PTPN6: variants seen among roughly 807,000 people sequenced by gnomAD.
The protein encoded by PTPN6 is protein tyrosine phosphatase non-receptor type 6.
PTPN6 carries 18 observed loss-of-function variants against 81.5 expected under a neutral mutation model. The observed-to-expected ratio is 0.22, with a 90% CI of 0.15 to 0.33. The LOEUF (loss-of-function observed/expected upper bound fraction) is 0.33. Ranked by LOEUF, PTPN6 falls within the 10% of genes least tolerant of loss-of-function variation. The pLI is 1.00. For synonymous variants in PTPN6, 301 were observed against 310.9 expected (o/e 0.97, Z 0.33); for missense variants, 500 against 794.2 (o/e 0.63, Z 4.45).
chr12:6,954,726 G>GC lies in PTPN6; in HGVS notation c.327-75dup. 6.3e-6 allele frequency: 9 copies of GC among 1,434,788 alleles called. No homozygotes were observed. The East Asian group carries it at 9.6e-5, about 15-fold the overall frequency. 88.9% of individuals were successfully genotyped at this position (1,434,788 alleles called of 1,614,324 possible). ...GCACACAGTAGGTGCTTGATTTCCG[G>GC]CCCCTCTCTGTGAATGTCTCTGCTC... On this transcript the variant is annotated intron_variant, in intron 3 of 15. Coordinates refer to ENST00000318974, the MANE Select transcript of PTPN6 (RefSeq NM_002831.6). This position sits in a 1 kb window ranked among gnomAD's most constrained non-coding sequence, Gnocchi z 5.4.
upstream of PTPN6, chr12:6,946,753 A>G (rs1555146856): frequency 1.2e-6 from 2 of 1,609,954 alleles, no homozygotes; most frequent in South Asian, 2.2e-5. Context: ...AGTCCCGGGC[A>G]CCATCGGGGT....
rs1946030155 is a variant in PTPN6 at position 6,956,328 on chromosome 12, C to G, written c.925-91C>G. ...AGCTGGGCAAAGCCGAAGCTGGCTT[C>G]TTGCATGGGTGAGGGTGGCAGTGGT... is the stretch of plus-strand genomic sequence containing the variant. On this transcript the variant is annotated intron_variant, in intron 8 of 15. Transcript: ENST00000318974. This position sits in a 1 kb window ranked among gnomAD's most constrained non-coding sequence, Gnocchi z 4.1. 1.2e-6 allele frequency: 2 copies of G among 1,611,378 alleles called. No homozygotes were observed. Among genetic ancestry groups the G allele is most frequent in the Non-Finnish European group, 1.7e-6 (2 of 1,177,636 alleles).
chr12:6,946,855 C>T (rs781980111), upstream of PTPN6: 2 of 1,184,126 alleles, frequency 1.7e-6, no homozygotes, highest in Non-Finnish European at 1.2e-6. Flanking sequence ...CGCTGCCCTG[C>T]GCCTGTTTCC....
rs782130684 is a variant in PTPN6 at position 6,955,447 on chromosome 12, G to A, written c.709G>A (p.Glu237Lys). The change falls in exon 6 of 16, where the codon GAG becomes AAG. Residue 237 changes from glutamate to lysine, a missense_variant. Around this residue, in one of 6 missense-constraint regions of PTPN6, gnomAD observed 96 missense variants for 137.3 expected, o/e 0.70. Coordinates refer to ENST00000318974, the MANE Select transcript of PTPN6 (RefSeq NM_002831.6). The surrounding 1 kb of genome is among the most constrained non-coding windows in gnomAD (Gnocchi z 7.2). Reference protein sequence around the residue: ...VLELNKKQESEDTAKAGFWEE... With the variant: ...VLELNKKQESKDTAKAGFWEE... ...GGAACTGAACAAGAAGCAGGAGTCCGAGGATACAGCCAAGGCTGGCTTCTG... is the reference window on the plus strand; with the variant it reads ...GGAACTGAACAAGAAGCAGGAGTCCAAGGATACAGCCAAGGCTGGCTTCTG... 6.2e-6 allele frequency: 10 copies of A among 1,614,104 alleles called. No homozygotes were observed. The Middle Eastern group carries it at 4.9e-4, about 80-fold the overall frequency.
chr12:6,954,018 G>A lies in PTPN6; in HGVS notation c.327-787G>A, dbSNP rs1945976451. On this transcript the variant is annotated intron_variant, in intron 3 of 15. Coordinates refer to ENST00000318974, the MANE Select transcript of PTPN6 (RefSeq NM_002831.6). This position sits in a 1 kb window ranked among gnomAD's most constrained non-coding sequence, Gnocchi z 5.4. ...TTTCCATCACGTGGTTTCCTGTGGG[G>A]CTGGGCTTTGTGGGGCTACAGTTTC... is the stretch of plus-strand genomic sequence containing the variant. 6.6e-6 allele frequency among the ~76,000 whole-genome samples: 1 copy of A among 152,198 alleles called. No homozygotes were observed. The highest frequency in any genetic ancestry group is 1.5e-5 in the Non-Finnish European group (1 of 68,028).
chr12:6,955,836 C>T lies in PTPN6; in HGVS notation c.844+80C>T. ...TCCCCTCATCTCACAGGTCTCCACC[C>T]TCCACGCCAGGAGGGGCCATCTCCC... On this transcript the variant is annotated intron_variant, in intron 7 of 15. Coordinates refer to ENST00000318974, the MANE Select transcript of PTPN6 (RefSeq NM_002831.6). The surrounding 1 kb of genome is among the most constrained non-coding windows in gnomAD (Gnocchi z 7.2). 1.5e-6 allele frequency: 2 copies of T among 1,352,270 alleles called. No individual in the cohort carries two copies. Among genetic ancestry groups the T allele is most frequent in the Non-Finnish European group, 2.1e-6 (2 of 947,560 alleles). 83.8% of individuals were successfully genotyped at this position (1,352,270 alleles called of 1,614,324 possible).
chr12:6,958,027 C>A lies in PTPN6; in HGVS notation c.1315C>A (p.Arg439=), dbSNP rs782065208. ...VLSFLDQINQ[R]QESLPHAGPI... ...CAGCTTCCTGGACCAGATCAACCAGCGGCAGGAAAGTCTGCCTCACGCAGG... is the reference window on the plus strand; with the variant it reads ...CAGCTTCCTGGACCAGATCAACCAGAGGCAGGAAAGTCTGCCTCACGCAGG... The change falls in exon 11 of 16, where the codon CGG becomes AGG. Residue 439 remains arginine (R), a synonymous_variant. Transcript: ENST00000318974. 4 of 1,613,366 alleles carry A rather than the reference C, an allele frequency of 2.5e-6. No individual in the cohort carries two copies. Among genetic ancestry groups the A allele is most frequent in the Middle Eastern group, 1.6e-4 (1 of 6,062 alleles).
chr12:6,956,224 C>T lies in PTPN6; in HGVS notation c.924+3C>T, dbSNP rs1591688672. ...ACATCAATGCCAACTACATCAAGGT[C>T]AGCAGTGTGGGCCACGTGGGAGGAG... On this transcript the variant is annotated splice_donor_region_variant and intron_variant, in intron 8 of 15. Transcript: ENST00000318974. The surrounding 1 kb of genome is among the most constrained non-coding windows in gnomAD (Gnocchi z 4.1). The T allele has an allele frequency of 5.0e-6, 8 of 1,614,072 alleles. No individual in the cohort carries two copies. The highest frequency in any genetic ancestry group is 6.8e-6 in the Non-Finnish European group (8 of 1,179,928).
At chr12:6,947,775 A>G (rs375613184), upstream of PTPN6, among the ~76,000 whole-genome samples, 5 of 151,420 alleles carry the variant, frequency 3.3e-5, no homozygotes, top group African/African-American at 1.2e-4. Flanking sequence ...CTTCCCGAGG[A>G]GGTGACATTT....
chr12:6,954,856 C>T lies in PTPN6; in HGVS notation c.378C>T (p.Ala126=). 6.2e-7 allele frequency: 1 copy of T among 1,614,200 alleles called. No individual in the cohort carries two copies. The highest frequency in any genetic ancestry group is 8.5e-7 in the Non-Finnish European group (1 of 1,180,038). The change falls in exon 4 of 16, where the codon GCC becomes GCT. Residue 126 remains alanine (A), a synonymous_variant. Coordinates refer to ENST00000318974, the MANE Select transcript of PTPN6 (RefSeq NM_002831.6). This position sits in a 1 kb window ranked among gnomAD's most constrained non-coding sequence, Gnocchi z 5.4. ...SGGQAETLLQ[A]KGEPWTFLVR... is the part of the protein sequence containing the mutation. ...GGCAGGCAGAGACGCTGCTGCAGGCCAAGGGCGAGCCCTGGACGTTTCTTG... is the reference window on the plus strand; with the variant it reads ...GGCAGGCAGAGACGCTGCTGCAGGCTAAGGGCGAGCCCTGGACGTTTCTTG...
rs1453345947 is a variant in PTPN6, at chr12:6,954,725, G to A, written c.327-80G>A. The stretch of plus-strand genomic sequence containing the variant: ...GGCACACAGTAGGTGCTTGATTTCC[G>A]GCCCCTCTCTGTGAATGTCTCTGCT... On this transcript the variant is annotated intron_variant, in intron 3 of 15. Transcript: ENST00000318974. The surrounding 1 kb of genome is among the most constrained non-coding windows in gnomAD (Gnocchi z 5.4). The A allele has an allele frequency of 7.7e-6, 11 of 1,428,984 alleles. No individual in the cohort carries two copies. The highest frequency in any genetic ancestry group is 5.6e-5 in the African/African-American group (4 of 70,808). 88.5% of individuals were successfully genotyped at this position (1,428,984 alleles called of 1,614,324 possible).
In PTPN6 at chr12:6,956,422, C is replaced by A. The variant is rs1555148694; in HGVS notation, c.928C>A (p.Gln310Lys). 1.2e-6 allele frequency: 2 copies of A among 1,614,150 alleles called. No individual in the cohort carries two copies. Among genetic ancestry groups the A allele is most frequent in the South Asian group, 2.2e-5 (2 of 91,082 alleles). The change falls in exon 9 of 16, where the codon CAG (glutamine) becomes AAG (lysine). Residue 310 changes from glutamine (Q) to lysine (K), a missense_variant. Gln to Lys is a moderately conservative substitution (Grantham distance 53). Transcript: ENST00000318974. This position sits in a 1 kb window ranked among gnomAD's most constrained non-coding sequence, Gnocchi z 4.1. Reference sequence around the variant, plus strand: ...GTCTCTCCACGCTTGCGTCCAGAACCAGCTGCTAGGCCCTGATGAGAACGC... The same window carrying A: ...GTCTCTCCACGCTTGCGTCCAGAACAAGCTGCTAGGCCCTGATGAGAACGC... ...DYINANYIKN[Q>K]LLGPDENAKT...
Position 6,960,084 on chromosome 12 carries a change from C to G in PTPN6, c.1430-4C>G. On this transcript the variant is annotated splice_polypyrimidine_tract_variant and splice_region_variant and intron_variant, in intron 12 of 15. Coordinates refer to ENST00000318974, the MANE Select transcript of PTPN6 (RefSeq NM_002831.6). The surrounding 1 kb of genome is among the most constrained non-coding windows in gnomAD (Gnocchi z 6.1). ...GACCTGAGGTTTGACTGCCCCCCAC[C>G]CAGGCCTGGACTGTGACATTGACAT... The G allele has an allele frequency of 6.2e-7, 1 of 1,613,576 alleles. No homozygotes were observed. Among genetic ancestry groups the G allele is most frequent in the Non-Finnish European group, 8.5e-7 (1 of 1,179,994 alleles).
intron 3 of PTPN6, chr12:6,953,251 CT>C (rs1945959797): frequency 6.6e-6 from 1 of 152,336 alleles, no homozygotes; most frequent in African/African-American, 2.4e-5. Context: ...TGTCTGCCCC[CT>C]GCCCTTCCTC....
rs200355447 is a variant in PTPN6, at chr12:6,954,874, G to A, written c.396G>A (p.Thr132=). Residue 132 remains threonine (T), a synonymous_variant, in exon 4 of 16, where the codon ACG becomes ACA. Coordinates refer to ENST00000318974, the MANE Select transcript of PTPN6 (RefSeq NM_002831.6). This position sits in a 1 kb window ranked among gnomAD's most constrained non-coding sequence, Gnocchi z 5.4. The stretch of plus-strand genomic sequence containing the variant: ...TGCAGGCCAAGGGCGAGCCCTGGAC[G>A]TTTCTTGTGCGTGAGAGCCTCAGCC... ...TLLQAKGEPW[T]FLVRESLSQP... 8.2e-4 allele frequency: 1,331 copies of A among 1,614,226 alleles called. 1 individual carries two copies. Among genetic ancestry groups the A allele is most frequent in the East Asian group, 3.7e-3 (165 of 44,886 alleles).
Position 6,952,491 on chromosome 12 carries a change from C to T in PTPN6, c.326+314C>T, listed in dbSNP as rs1481050993. 3 of 479,796 alleles carry T rather than the reference C, an allele frequency of 6.3e-6. No homozygotes were observed. In the Admixed American group the frequency reaches 1.0e-4, roughly 16 times the overall value. The allele number at this position is 479,796 out of a possible 1,614,324, so 29.7% of individuals were successfully genotyped here. ...AGGCCACTGCTGGTGGCCAGCATGTCGTGCAGGCCAGCTCTGTTGTTAGAA... is the reference window on the plus strand; with the variant it reads ...AGGCCACTGCTGGTGGCCAGCATGTTGTGCAGGCCAGCTCTGTTGTTAGAA... On this transcript the variant is annotated intron_variant, in intron 3 of 15. Coordinates refer to ENST00000318974, the MANE Select transcript of PTPN6 (RefSeq NM_002831.6). This position sits in a 1 kb window ranked among gnomAD's most constrained non-coding sequence, Gnocchi z 8.1.
In PTPN6 at chr12:6,960,262, G is replaced by GC. The variant is rs371211541; in HGVS notation, c.1581+23_1581+24insC. The GC allele has an allele frequency of 9.4e-4, 1,417 of 1,505,328 alleles. 8 individuals carry two copies. The highest frequency in any genetic ancestry group is 6.3e-3 in the African/African-American group (409 of 64,640). 93.2% of individuals were successfully genotyped at this position (1,505,328 alleles called of 1,614,324 possible). ...CAGGTGCGTGCAGAGCAGGGCCTGG[G>GC]GGGGGGGGGGGCTGCAGTGCAGGAT... On this transcript the variant is annotated intron_variant, in intron 13 of 15. Transcript: ENST00000318974. The surrounding 1 kb of genome is among the most constrained non-coding windows in gnomAD (Gnocchi z 6.1).
chr12:6,958,302 G>A (rs1459425089), intron 11 of PTPN6, among the ~76,000 whole-genome samples: 3 of 152,262 alleles, frequency 2.0e-5, no homozygotes, highest in Non-Finnish European at 2.9e-5. Context: ...AGCCCTCTCC[G>A]GATGTACCAT....
At position 6,952,949 on chromosome 12, in the gene PTPN6, T is replaced by G. The variant is rs1419848261; in HGVS notation, c.326+772T>G. The G allele has an allele frequency of 6.6e-6, 1 of 152,252 alleles. No homozygotes were observed. The highest frequency in any genetic ancestry group is 2.4e-5 in the African/African-American group (1 of 41,448). The allele number at this position is 152,252 out of a possible 1,614,324, so 9.4% of individuals were successfully genotyped here. A position where few individuals can be genotyped will look rare whatever the true frequency, so the allele number is the denominator to read the frequency against. ...AGAGTAAAGGGCAGCGGAATAACGC[T>G]AGGGGGTTTTCACATGCACCCCTGG... On this transcript the variant is annotated intron_variant, in intron 3 of 15. Coordinates refer to ENST00000318974, the MANE Select transcript of PTPN6 (RefSeq NM_002831.6). The surrounding 1 kb of genome is among the most constrained non-coding windows in gnomAD (Gnocchi z 8.1).
Sources: allele counts gnomAD v4.1 joint callset (sites outside exome capture counted in the v4.1 genomes callset), GRCh38; gene constraint gnomAD v4.1.1; regional missense constraint gnomAD v4.1.1; non-coding constraint Gnocchi (gnomAD v3.1); transcripts MANE v1.5; gene names NCBI Gene and HGNC (gene_info 2026-07-23, HGNC 2026-07-21).